Variants in ATF7IP observed in about 807,000 individuals in gnomAD.
ATF7IP encodes activating transcription factor 7 interacting protein, also known as activating transcription factor 7-interacting protein 1.
In ATF7IP, 23 loss-of-function variants were observed where a neutral mutation model predicts 106.4. The ratio of observed to expected loss-of-function variants is 0.22; its 90% CI spans 0.16 to 0.31. ATF7IP has a LOEUF of 0.31. Ranked by LOEUF, ATF7IP falls within the 10% of genes least tolerant of loss-of-function variation. ATF7IP has a pLI of 1.00. For synonymous variants in ATF7IP, 542 were observed against 539.0 expected (o/e 1.01, Z -0.08); for missense variants, 1,334 against 1,524.3 (o/e 0.88, Z 2.08).
chr12:14,474,482 C>T (rs561310475), intron 10 of ATF7IP, among the ~76,000 whole-genome samples: 6 of 151,376 alleles, frequency 4.0e-5, no homozygotes, highest in South Asian at 4.2e-4. Flanking sequence ...CTCACTGCAA[C>T]GTCCGCCTCC....
intron 1 of ATF7IP, among the ~76,000 whole-genome samples, chr12:14,407,595 G>C (rs1368054027): frequency 6.6e-6 from 1 of 152,084 alleles, no homozygotes; most frequent in African/African-American, 2.4e-5. Context: ...AATGCATTCT[G>C]TTATCTGGGT....
chr12:14,402,127 CTTTT>C (rs11297116), intron 1 of ATF7IP, among the ~76,000 whole-genome samples: 16 of 101,848 alleles, frequency 1.6e-4, no homozygotes, highest in African/African-American at 6.0e-4. Flanking sequence ...TTTCTTCTTT[CTTTT>C]TTTTTTTTTT....
chr12:14,478,409 C>T lies in ATF7IP; in HGVS notation c.3034C>T (p.Leu1012Phe), dbSNP rs1455369638. 3 of 1,613,972 alleles carry T rather than the reference C, an allele frequency of 1.9e-6. No homozygotes were observed. The highest frequency in any genetic ancestry group is 2.5e-6 in the Non-Finnish European group (3 of 1,179,968). Residue 1012 changes from leucine (L) to phenylalanine (F), a missense_variant, in exon 12 of 15, where the codon CTT becomes TTT. This residue lies in a region of ATF7IP where 370 missense variants were observed against 401.2 expected (regional missense o/e 0.92). Transcript: ENST00000261168. ...PLQPIQPAPPLQPSGVPTSGP... is the reference protein window; with the variant it reads ...PLQPIQPAPPFQPSGVPTSGP... Reference sequence around the variant, plus strand: ...GCAACCCATACAACCAGCACCGCCTCTTCAACCATCTGGGGTGCCAACAAG... The same window carrying T: ...GCAACCCATACAACCAGCACCGCCTTTTCAACCATCTGGGGTGCCAACAAG...
intron 13 of ATF7IP, among the ~76,000 whole-genome samples, chr12:14,491,244 G>T (rs1016632010): frequency 1.3e-5 from 2 of 152,154 alleles, no homozygotes; most frequent in Admixed American, 1.3e-4. Context: ...TGATAAATGG[G>T]CTGGAGTAAC....
chr12:14,454,664 A>G (rs145132354), intron 6 of ATF7IP, among the ~76,000 whole-genome samples: 7 of 152,184 alleles, frequency 4.6e-5, no homozygotes, highest in African/African-American at 1.4e-4. Context: ...ATTTGTGGAA[A>G]TCTCATGCAG....
chr12:14,386,747 A>G (rs1200947702), intron 1 of ATF7IP, among the ~76,000 whole-genome samples: 6 of 152,186 alleles, frequency 3.9e-5, no homozygotes, highest in African/African-American at 7.2e-5. Context: ...GAGATCGTAC[A>G]TGACAATTAT....
intron 13 of ATF7IP, among the ~76,000 whole-genome samples, chr12:14,485,060 G>C (rs7298016): frequency 1.3e-5 from 2 of 151,704 alleles, no homozygotes; most frequent in Non-Finnish European, 2.9e-5. Flanking sequence ...TGATTCATCT[G>C]TGGGGTCCTG....
rs769734315 is a variant in ATF7IP, at chr12:14,423,889, CTT to C, written c.-7-18_-7-17del. ...GCTTCTGTTTCAGTTATTAAACTCT[CTT>C]TCTCTTTTTTCTTAAAGATTCAGAA... On this transcript the variant is annotated intron_variant, in intron 1 of 14. Transcript: ENST00000261168. 2 of 1,549,192 alleles carry C rather than the reference CTT, an allele frequency of 1.3e-6. No individual in the cohort carries two copies. Among genetic ancestry groups the C allele is most frequent in the African/African-American group, 1.4e-5 (1 of 72,264 alleles).
At position 14,500,014 on chromosome 12, in the gene ATF7IP, G is replaced by A. The variant is rs1481297598; in HGVS notation, c.*1941G>A. The stretch of plus-strand genomic sequence containing the variant: ...GGGTGTAGATAATTTAGGACTGGAG[G>A]GCTGAGTTAAGTTTTAGGAGGAGAA... On this transcript the variant is annotated 3_prime_UTR_variant, in exon 15 of 15. Transcript: ENST00000261168. The A allele has an allele frequency of 1.3e-5, 2 of 152,062 alleles. No homozygotes were observed. Among genetic ancestry groups the A allele is most frequent in the African/African-American group, 4.8e-5 (2 of 41,404 alleles). 9.4% of individuals were successfully genotyped at this position (152,062 alleles called of 1,614,324 possible). A position where few individuals can be genotyped will look rare whatever the true frequency, so the allele number is the denominator to read the frequency against.
At chr12:14,378,275 T>G (rs1251458692) in intron 1 of ATF7IP, among the ~76,000 whole-genome samples, 1 of 151,824 alleles carries the variant, frequency 6.6e-6, no homozygotes, top group Non-Finnish European at 1.5e-5. Context: ...TTTTTGTATT[T>G]TAAGTAGAGA....
chr12:14,369,338 T>G (rs1173181632), intron 1 of ATF7IP: 2 of 152,098 alleles, frequency 1.3e-5, no homozygotes, highest in Non-Finnish European at 2.9e-5. Flanking sequence ...AATTGTATGT[T>G]TATATTGTAT....
intron 2 of ATF7IP, 112 bp downstream of exon 2, chr12:14,425,585 G>A (rs6488685): frequency 1 from 1,103,636 of 1,103,974 alleles, 551,651 homozygotes; most frequent in Middle Eastern, 1. Flanking sequence ...AGTTGAGAAT[G>A]GTGATGACTC....
chr12:14,427,878 G>A (rs906889044), intron 2 of ATF7IP, among the ~76,000 whole-genome samples: 1 of 152,116 alleles, frequency 6.6e-6, no homozygotes, highest in Non-Finnish European at 1.5e-5. Context: ...CACACAGTAA[G>A]TGCCCAGTAA....
intron 1 of ATF7IP, among the ~76,000 whole-genome samples, chr12:14,386,121 T>C (rs914239872): frequency 2.0e-5 from 3 of 152,300 alleles, no homozygotes; most frequent in African/African-American, 7.2e-5. Context: ...CCATCAGAGC[T>C]GAAGTACTCA....
chr12:14,445,100 C>T (rs1190785964), intron 5 of ATF7IP, among the ~76,000 whole-genome samples: 1 of 150,408 alleles, frequency 6.6e-6, no homozygotes, highest in Non-Finnish European at 1.5e-5. Flanking sequence ...AAGCAATTCT[C>T]CTGCCTCAGC....
chr12:14,421,587 T>C (rs1447355995), intron 1 of ATF7IP, among the ~76,000 whole-genome samples: 1 of 152,196 alleles, frequency 6.6e-6, no homozygotes, highest in Non-Finnish European at 1.5e-5. Context: ...AGGACACCAA[T>C]TGTATTGGAT....
At chr12:14,467,445 A>T (rs1174657705) in intron 10 of ATF7IP, among the ~76,000 whole-genome samples, 1 of 152,178 alleles carries the variant, frequency 6.6e-6, no homozygotes, top group Non-Finnish European at 1.5e-5. Flanking sequence ...ACTTCTTAGA[A>T]ATGTTAGCAG....
At chr12:14,494,473 A>G (rs961389678) in intron 13 of ATF7IP, among the ~76,000 whole-genome samples, 6 of 145,234 alleles carry the variant, frequency 4.1e-5, no homozygotes, top group Admixed American at 1.4e-4. Flanking sequence ...TACATAAAAT[A>G]TATACTACAT....
chr12:14,381,985 A>G (rs959256564), intron 1 of ATF7IP, among the ~76,000 whole-genome samples: 1 of 149,798 alleles, frequency 6.7e-6, no homozygotes, highest in Non-Finnish European at 1.5e-5. Context: ...AGAGTGAAAT[A>G]AAAAAAAAAT....
Sources: gnomAD v4.1 joint callset for allele counts (sites outside exome capture counted in the v4.1 genomes callset) on GRCh38, gnomAD v4.1.1 for gene constraint, gnomAD v4.1.1 regional missense constraint, MANE v1.5 for transcripts, NCBI Gene and HGNC (gene_info 2026-07-23, HGNC 2026-07-21) for gene names.